The following PARM1 variants were observed in gnomAD, a reference collection of about 807,000 sequenced individuals.
PARM1 encodes WSC4, cell wall integrity and stress response component 4 homolog.
Under a neutral mutation model 24.6 loss-of-function variants are expected in PARM1, and 14 were observed. The observed-to-expected ratio is 0.57, with a 90% CI of 0.38 to 0.89. The LOEUF (loss-of-function observed/expected upper bound fraction) is 0.89. PARM1 is among the 40% of genes least tolerant of loss of function. PARM1 has a pLI of 0.00. For synonymous variants in PARM1, 179 were observed against 156.6 expected, an observed-to-expected ratio of 1.14 and a Z score of -1.07; for missense variants, 362 against 380.4, an observed-to-expected ratio of 0.95 and a Z score of 0.40.
chr4:75,013,286 C>T, intron 2 of PARM1, 136 bp downstream of exon 2: 1 of 939,452 alleles, frequency 1.1e-6, no homozygotes, highest in Non-Finnish European at 1.6e-6. Context: ...ACAAGAATTT[C>T]CACGAGTGCA....
At chr4:75,018,125 G>T (rs1578052593) in intron 2 of PARM1, among the ~76,000 whole-genome samples, 1 of 152,294 alleles carries the variant, frequency 6.6e-6, no homozygotes, top group East Asian at 1.9e-4. Flanking sequence ...CAGGCATCTG[G>T]TTAAATACTA....
intron 1 of PARM1, among the ~76,000 whole-genome samples, chr4:74,936,006 T>A (rs2109977977): frequency 6.6e-6 from 1 of 152,182 alleles, no homozygotes; most frequent in African/African-American, 2.4e-5. Context: ...TAAATTTTTT[T>A]ATTTTTTGTA....
intron 1 of PARM1, among the ~76,000 whole-genome samples, chr4:74,997,373 A>T (rs781200429): frequency 4.6e-5 from 7 of 152,200 alleles, no homozygotes; most frequent in Non-Finnish European, 1.0e-4. Context: ...ATATGTGTGG[A>T]TAATATTTCA....
chr4:75,049,107 A>G lies in PARM1; in HGVS notation c.*2860A>G, dbSNP rs1167286011. The G allele has an allele frequency of 6.6e-6, 1 of 152,214 alleles. No individual in the cohort carries two copies. The highest frequency in any genetic ancestry group is 1.5e-5 in the Non-Finnish European group (1 of 68,052). The allele number at this position is 152,214 out of a possible 1,614,324, so 9.4% of individuals were successfully genotyped here. On this transcript the variant is annotated 3_prime_UTR_variant, in exon 4 of 4. Transcript: ENST00000307428. Reference sequence around the variant, plus strand: ...CATAACACTTTAGAGAGAATGTCAGAGCAGGAGGGAGGCAAGCCGCCTCTT... The same window carrying G: ...CATAACACTTTAGAGAGAATGTCAGGGCAGGAGGGAGGCAAGCCGCCTCTT...
chr4:75,012,001 A>G (rs533024192), intron 1 of PARM1, among the ~76,000 whole-genome samples: 5 of 152,076 alleles, frequency 3.3e-5, no homozygotes, highest in East Asian at 1.9e-4. Flanking sequence ...CTCATCACCA[A>G]CCACTCCTTC....
chr4:75,038,105 C>T (rs561626204), intron 3 of PARM1, among the ~76,000 whole-genome samples: 2 of 152,192 alleles, frequency 1.3e-5, no homozygotes, highest in African/African-American at 2.4e-5. Context: ...TTAGTAGAGA[C>T]GGGGTTTCAC....
intron 2 of PARM1, among the ~76,000 whole-genome samples, chr4:75,013,468 G>A (rs1173664274): frequency 6.6e-6 from 1 of 152,316 alleles, no homozygotes; most frequent in East Asian, 1.9e-4. Context: ...TTCAACTCTG[G>A]CTCCTGACCT....
chr4:74,977,191 G>A (rs1722154912), intron 1 of PARM1, among the ~76,000 whole-genome samples: 1 of 152,160 alleles, frequency 6.6e-6, no homozygotes, highest in African/African-American at 2.4e-5. Context: ...CTAACCCAAT[G>A]CAAACAAGCT....
At chr4:75,023,004 T>C (rs1723117604) in intron 2 of PARM1, among the ~76,000 whole-genome samples, 1 of 152,174 alleles carries the variant, frequency 6.6e-6, no homozygotes, top group Non-Finnish European at 1.5e-5. Context: ...TATTTAACAG[T>C]ATAATGCTTT....
chr4:74,982,056 A>G (rs1722268029), intron 1 of PARM1, among the ~76,000 whole-genome samples: 1 of 152,168 alleles, frequency 6.6e-6, no homozygotes, highest in Non-Finnish European at 1.5e-5. Context: ...AATGCCTGTC[A>G]ATGATAGACT....
chr4:74,969,236 G>A lies in PARM1; in HGVS notation c.43+35866G>A, dbSNP rs758053351. Reference sequence around the variant, plus strand: ...GAGCCAAGCTCATGGGTCCCTTGTCGTTGTGTTGAGGGGGCGGCTGTCTAA... The same window carrying A: ...GAGCCAAGCTCATGGGTCCCTTGTCATTGTGTTGAGGGGGCGGCTGTCTAA... On this transcript the variant is annotated intron_variant, in intron 1 of 3. Coordinates refer to ENST00000307428, the MANE Select transcript of PARM1 (RefSeq NM_015393.4). Among the ~76,000 whole-genome samples, 32 of 152,308 alleles carry A rather than the reference G, an allele frequency of 2.1e-4. 1 individual carries two copies. Among genetic ancestry groups the A allele is most frequent in the South Asian group, 2.1e-4 (1 of 4,820 alleles).
intron 2 of PARM1, among the ~76,000 whole-genome samples, chr4:75,021,625 C>T (rs1295045191): frequency 6.6e-6 from 1 of 152,082 alleles, no homozygotes. Flanking sequence ...CCTCCACCCT[C>T]AACTAGGTCC....
At chr4:75,008,074 G>T (rs1278655673) in intron 1 of PARM1, among the ~76,000 whole-genome samples, 17 of 152,238 alleles carry the variant, frequency 1.1e-4, no homozygotes, top group Non-Finnish European at 2.5e-4. Flanking sequence ...GATCATCATG[G>T]TGCCTTAGCC....
At chr4:74,935,751 C>T (rs1020058076) in intron 1 of PARM1, among the ~76,000 whole-genome samples, 21 of 152,154 alleles carry the variant, frequency 1.4e-4, no homozygotes, top group Non-Finnish European at 2.9e-4. Flanking sequence ...TTTCCTCCAG[C>T]ACATACAATG....
intron 2 of PARM1, among the ~76,000 whole-genome samples, chr4:75,026,397 A>ATAT (rs1265927501): frequency 6.6e-6 from 1 of 152,218 alleles, no homozygotes; most frequent in Admixed American, 6.5e-5. Flanking sequence ...ATGCATAACC[A>ATAT]CCCACAGCTA....
At chr4:74,969,347 A>G (rs1404859307) in intron 1 of PARM1, 2 of 152,230 alleles carry the variant, frequency 1.3e-5, no homozygotes, top group Admixed American at 1.3e-4. Flanking sequence ...CTATTTTAAC[A>G]TGTAAGAAGG....
At chr4:74,997,030 A>C (rs971792040) in intron 1 of PARM1, among the ~76,000 whole-genome samples, 1 of 152,158 alleles carries the variant, frequency 6.6e-6, no homozygotes, top group African/African-American at 2.4e-5. Flanking sequence ...TAAAAGGTAG[A>C]TTTTCTGGAT....
In PARM1 at chr4:75,046,176, G is replaced by A. The variant is rs2109818878; in HGVS notation, c.862G>A (p.Gly288Arg). 6.2e-7 allele frequency: 1 copy of A among 1,612,246 alleles called. No individual in the cohort carries two copies. The highest frequency in any genetic ancestry group is 2.2e-5 in the East Asian group (1 of 44,868). The part of the protein sequence containing the change: ...AYLKIRHSSY[G>R]RLLDDHDYGS... ...TTTCTCCACCAGGCATTCCTCCTAT[G>A]GAAGACTTTTGGACGACCATGACTA... The change falls in exon 4 of 4, where the codon GGA (glycine) becomes AGA (arginine). Residue 288 changes from glycine (G) to arginine (R), a missense_variant. Transcript: ENST00000307428.
chr4:75,049,182 C>A lies in PARM1; in HGVS notation c.*2935C>A, dbSNP rs568619825. On this transcript the variant is annotated 3_prime_UTR_variant, in exon 4 of 4. Coordinates refer to ENST00000307428, the MANE Select transcript of PARM1 (RefSeq NM_015393.4). Reference sequence around the variant, plus strand: ...AAAGAGCGGGATTCAACTTTGTTTTCTTTTCCTGTGGCCCCAGTGAAACCT... The same window carrying A: ...AAAGAGCGGGATTCAACTTTGTTTTATTTTCCTGTGGCCCCAGTGAAACCT... 1.3e-5 allele frequency: 2 copies of A among 152,200 alleles called. No individual in the cohort carries two copies. Among genetic ancestry groups the A allele is most frequent in the African/African-American group, 4.8e-5 (2 of 41,448 alleles). 9.4% of individuals were successfully genotyped at this position (152,200 alleles called of 1,614,324 possible).
Sources: gnomAD v4.1 joint callset for allele counts (sites outside exome capture counted in the v4.1 genomes callset) on GRCh38, gnomAD v4.1.1 for gene constraint, MANE v1.5 for transcripts, NCBI Gene and HGNC (gene_info 2026-07-23, HGNC 2026-07-21) for gene names.